The following HR variants were observed in gnomAD, a reference collection of about 807,000 sequenced individuals.
HR encodes lysine-specific demethylase hairless.
HR carries 83 observed loss-of-function variants against 128.6 expected under a neutral mutation model. The observed-to-expected ratio is 0.65, with a 90% CI of 0.54 to 0.77. HR has a LOEUF of 0.77. HR is among the 30% of genes least tolerant of loss of function. The pLI is 0.00. For synonymous variants in HR, 681 were observed against 658.2 expected (o/e 1.03, Z -0.53); for missense variants, 1,490 against 1,574.6 (o/e 0.95, Z 0.91).
In HR at chr8:22,115,779, G is replaced by C. The variant is rs781388441; in HGVS notation, c.3508-17C>G. The C allele has an allele frequency of 3.7e-6, 6 of 1,613,334 alleles. No individual in the cohort carries two copies. The South Asian group carries it at 6.6e-5, about 18-fold the overall frequency. On this transcript the variant is annotated splice_polypyrimidine_tract_variant and intron_variant, in intron 18 of 18. Coordinates refer to ENST00000381418, the MANE Select transcript of HR (RefSeq NM_005144.5). ...CCAGTCCATCTAGGAAAAAGAGAGA[G>C]GACAAAGCATTTTCAACTACATTCC... is the stretch of plus-strand genomic sequence containing the variant.
chr8:22,121,884 G>A (rs564420546), intron 8 of HR, among the ~76,000 whole-genome samples, 190 bp from the exon 9 acceptor site: 1 of 152,254 alleles, frequency 6.6e-6, no homozygotes, highest in African/African-American at 2.4e-5. Flanking sequence ...CTATGATAGG[G>A]TCTATAGTCT....
Position 22,115,501 on chromosome 8 carries a change from A to T in HR, c.*199T>A. 1.6e-6 allele frequency: 1 copy of T among 639,618 alleles called. No homozygotes were observed. Among genetic ancestry groups the T allele is most frequent in the Non-Finnish European group, 2.9e-6 (1 of 350,096 alleles). 39.6% of individuals were successfully genotyped at this position (639,618 alleles called of 1,614,324 possible). On this transcript the variant is annotated 3_prime_UTR_variant, in exon 19 of 19. Transcript: ENST00000381418. ...TGGGGGAGATGCCAGCCTGAGAAGG[A>T]CAGGTGTGAGCTTGGTGGCACTGTG...
At chr8:22,123,045 G>A (rs191689101) in intron 6 of HR, among the ~76,000 whole-genome samples, 166 bp from the exon 7 acceptor site, 53 of 152,332 alleles carry the variant, frequency 3.5e-4, no homozygotes, top group Admixed American at 2.4e-3. Context: ...TTCTTTGCTT[G>A]TAGAATGCTA....
chr8:22,120,349 C>T lies in HR; in HGVS notation c.2769G>A (p.Trp923Ter). 6.2e-7 allele frequency: 1 copy of T among 1,613,806 alleles called. No individual in the cohort carries two copies. Among genetic ancestry groups the T allele is most frequent in the Non-Finnish European group, 8.5e-7 (1 of 1,180,012 alleles). ...TGTGTTGGGGACACTTACGCTCAGG[C>T]CAGGAGAAGCCCTCCCAGAATGTTG... is the stretch of plus-strand genomic sequence containing the variant. ...GSTTFWEGFS[W>*]PELRPKSDEG... The change falls in exon 12 of 19, where the codon TGG becomes TGA. Residue 923 changes from tryptophan to a stop codon, truncating the protein, a stop_gained. Coordinates refer to ENST00000381418, the MANE Select transcript of HR (RefSeq NM_005144.5). LOFTEE classifies it high-confidence loss of function.
At chr8:22,123,617 T>TCACC in intron 6 of HR, 32 bp downstream of exon 6, 55 of 292,092 alleles carry the variant, frequency 1.9e-4, no homozygotes, top group Middle Eastern at 2.6e-3. Context: ...GAGGGCTCCA[T>TCACC]CCCGCCCTCC....
At position 22,127,114 on chromosome 8, in the gene HR, GC is replaced by G. The variant is rs1215808838; in HGVS notation, c.1327del (p.Ala443LeufsTer12). On this transcript the variant is annotated frameshift_variant, in exon 3 of 19. Transcript: ENST00000381418. LOFTEE classifies it high-confidence loss of function. ...GTCCCGCACCTCCTGCCAACCCCCA[GC>G]CCCCTGTTCTGCAGTGCCTGGAAAA... ...DPFPGTAEQG[A>X]GGWQEVRDTS... 6.2e-7 allele frequency: 1 copy of G among 1,610,974 alleles called. No individual in the cohort carries two copies.
At position 22,120,192 on chromosome 8, in the gene HR, C is replaced by A. The variant is rs117638500; in HGVS notation, c.2777-19G>T. 3.1e-6 allele frequency: 5 copies of A among 1,592,818 alleles called. No homozygotes were observed. The highest frequency in any genetic ancestry group is 4.3e-6 in the Non-Finnish European group (5 of 1,170,222). ...GGGCGAACTACAGGAGGAGACAGAACGGCCATTGGCCTCCTCAGCCCTGAA... is the reference window on the plus strand; with the variant it reads ...GGGCGAACTACAGGAGGAGACAGAAAGGCCATTGGCCTCCTCAGCCCTGAA... On this transcript the variant is annotated intron_variant, in intron 12 of 18. Transcript: ENST00000381418.
chr8:22,129,203 G>A lies in HR; in HGVS notation c.-33C>T. ...CTGCCCTCATGGGGCTCTCCCAGAG[G>A]GGGGTCCCTGGAGCATAACCATCAA... On this transcript the variant is annotated 5_prime_UTR_variant, in exon 2 of 19. Transcript: ENST00000381418. 1 of 1,516,870 alleles carries A rather than the reference G, an allele frequency of 6.6e-7. No homozygotes were observed. Among genetic ancestry groups the A allele is most frequent in the South Asian group, 1.3e-5 (1 of 74,818 alleles). The allele number at this position is 1,516,870 out of a possible 1,614,324, so 94.0% of individuals were successfully genotyped here.
intron 5 of HR, among the ~76,000 whole-genome samples, 199 bp downstream of exon 5, chr8:22,125,112 T>C (rs1387216769): frequency 6.6e-6 from 1 of 152,204 alleles, no homozygotes; most frequent in Admixed American, 6.5e-5. Context: ...CACTCATTCT[T>C]GTTTTCCCAA....
In HR at chr8:22,127,299, C is replaced by T. The variant is rs970649933; in HGVS notation, c.1143G>A (p.Lys381=). 1 of 1,613,250 alleles carries T rather than the reference C, an allele frequency of 6.2e-7. No homozygotes were observed. The highest frequency in any genetic ancestry group is 8.5e-7 in the Non-Finnish European group (1 of 1,180,026). ...GCTCCGAGTGCCGTGTGAGCCATGT[C>T]TTCTTCAGCTTGGTGTGGTGGCTGG... ...CPPSHHTKLK[K]TWLTRHSEQF... The change falls in exon 3 of 19, where the codon AAG becomes AAA. Residue 381 remains lysine (K), a synonymous_variant. Transcript: ENST00000381418.
chr8:22,119,727 G>C, intron 14 of HR, 33 bp downstream of exon 14: 1 of 1,587,096 alleles, frequency 6.3e-7, no homozygotes, highest in Non-Finnish European at 8.6e-7. Context: ...AGGCATGGGA[G>C]TAGAGACTGG....
chr8:22,125,812 C>CGAG, intron 3 of HR, 80 bp from the exon 4 acceptor site: 10 of 1,478,762 alleles, frequency 6.8e-6, no homozygotes, highest in South Asian at 2.5e-5. Context: ...GCGCCCACCC[C>CGAG]ATCCACACTC....
In HR at chr8:22,127,600, G is replaced by A. The variant is rs546965951; in HGVS notation, c.842C>T (p.Ala281Val). ...AGTATGAACAAGGCCTGGGGGACAA[G>A]CGGGCCAGGAGGTCCAGGGCACAGT... ...PDTVPWTSWP[A>V]CPPGLVHTLG... is the part of the protein sequence containing the mutation. Residue 281 changes from alanine to valine, a missense_variant, in exon 3 of 19, where the codon GCT becomes GTT. Physicochemically the swap from Ala to Val is moderately conservative, Grantham distance 64 (BLOSUM62 0). Around this residue, in one of 3 missense-constraint regions of HR, gnomAD observed 1,060 missense variants for 1,060.9 expected, o/e 1.00. Transcript: ENST00000381418. The A allele has an allele frequency of 1.6e-5, 26 of 1,611,856 alleles. No individual in the cohort carries two copies. The highest frequency in any genetic ancestry group is 3.3e-5 in the South Asian group (3 of 91,072).
chr8:22,120,652 G>T, intron 11 of HR, 64 bp downstream of exon 11: 1 of 1,539,254 alleles, frequency 6.5e-7, no homozygotes, highest in East Asian at 2.4e-5. Context: ...TGGGCCTAGG[G>T]ACCAAGGCCC....
chr8:22,119,433 C>A (rs888997527), intron 14 of HR, 150 bp from the exon 15 acceptor site: 25 of 1,182,616 alleles, frequency 2.1e-5, no homozygotes, highest in Non-Finnish European at 2.9e-5. Context: ...TGGAGAAACC[C>A]CCTCTCTACT....
At chr8:22,128,227 T>A (rs886428296) in intron 2 of HR, 1 of 519,370 alleles carries the variant, frequency 1.9e-6, no homozygotes, top group Non-Finnish European at 3.5e-6. Context: ...CACATCCCAG[T>A]CTCAGATAGA....
In HR at chr8:22,126,935, T is replaced by C. The variant is rs150995334; in HGVS notation, c.1405+102A>G. ...ATCCAGGTGGGAGCCTGACCACTGGTTGTGGTCCACTCATAAAGCCTACAG... is the reference window on the plus strand; with the variant it reads ...ATCCAGGTGGGAGCCTGACCACTGGCTGTGGTCCACTCATAAAGCCTACAG... On this transcript the variant is annotated intron_variant, in intron 3 of 18. Transcript: ENST00000381418. 603 of 1,174,700 alleles carry C rather than the reference T, an allele frequency of 5.1e-4. 1 individual carries two copies. The highest frequency in any genetic ancestry group is 7.0e-4 in the Non-Finnish European group (581 of 833,074). 72.8% of individuals were successfully genotyped at this position (1,174,700 alleles called of 1,614,324 possible).
Position 22,123,788 on chromosome 8 carries a change from G to A in HR, c.1776C>T (p.Asp592=). 6.2e-7 allele frequency: 1 copy of A among 1,604,016 alleles called. No homozygotes were observed. The part of the protein sequence containing the change: ...REGQGPAVTE[D]SPGIPRCCSR... ...TGCAGCAGCGTGGAATGCCTGGGCT[G>A]TCCTCTGTCACGGCTGGCCCTTGGC... The change falls in exon 6 of 19, where the codon GAC becomes GAT. Residue 592 remains aspartate, a synonymous_variant. Coordinates refer to ENST00000381418, the MANE Select transcript of HR (RefSeq NM_005144.5).
intron 9 of HR, 24 bp downstream of exon 9, chr8:22,121,589 C>A: frequency 6.2e-7 from 1 of 1,611,444 alleles, no homozygotes; most frequent in South Asian, 1.1e-5. Flanking sequence ...TTGCACAGGC[C>A]GAGGGGCAAG....
Sources: allele counts gnomAD v4.1 joint callset (sites outside exome capture counted in the v4.1 genomes callset), GRCh38; gene constraint gnomAD v4.1.1; regional missense constraint gnomAD v4.1.1; transcripts MANE v1.5; gene names NCBI Gene and HGNC (gene_info 2026-07-23, HGNC 2026-07-21).